UBR1: variants seen among roughly 807,000 people sequenced by gnomAD.
UBR1 encodes ubiquitin protein ligase E3 component n-recognin 1.
In UBR1, 102 loss-of-function variants were observed where a neutral mutation model predicts 242.1. The observed-to-expected ratio is 0.42, with a 90% CI of 0.36 to 0.50. The LOEUF (loss-of-function observed/expected upper bound fraction) is 0.50, where lower values mean the gene tolerates loss of function less well. UBR1 is among the 20% of genes least tolerant of loss of function. The pLI is 0.01. For missense variants in UBR1, 1,772 were observed against 2,101.8 expected, an observed-to-expected ratio of 0.84 and a Z score of 3.07; for synonymous variants, 675 against 684.8, an observed-to-expected ratio of 0.99 and a Z score of 0.22.
At chr15:42,960,600 C>T (rs115083700) in intron 43 of UBR1, 45 bp downstream of exon 43, 1 of 1,595,466 alleles carries the variant, frequency 6.3e-7, no homozygotes, top group African/African-American at 1.3e-5. Context: ...CTTTAGGAAA[C>T]ACAACTTGTG....
Position 43,007,084 on chromosome 15 carries a change from G to C in UBR1, c.3410C>G (p.Ser1137Ter). Residue 1137 changes from serine (S) to a stop codon, truncating the protein, a stop_gained, in exon 30 of 47, where the codon TCA becomes TGA. Transcript: ENST00000290650. LOFTEE classifies it high-confidence loss of function. ...TQHRGKPIELSGEALDPLFMD... is the reference protein window; with the variant it reads ...TQHRGKPIEL ...ATTTATTAAATAATACATACCTCCT[G>C]AGAGTTCTATGGGTTTTCCCCTGTG... 2 of 1,614,030 alleles carry C rather than the reference G, an allele frequency of 1.2e-6. No homozygotes were observed. The highest frequency in any genetic ancestry group is 1.7e-6 in the Non-Finnish European group (2 of 1,179,918).
At chr15:42,951,882 G>C (rs2141249583) in intron 45 of UBR1, among the ~76,000 whole-genome samples, 1 of 152,228 alleles carries the variant, frequency 6.6e-6, no homozygotes, top group South Asian at 2.1e-4. Flanking sequence ...AAAGTGCTGG[G>C]ATTATAGGCA....
At position 43,017,080 on chromosome 15, in the gene UBR1, A is replaced by G; in HGVS notation, c.3027+15T>C. The G allele has an allele frequency of 6.3e-7, 1 of 1,594,900 alleles. No homozygotes were observed. Among genetic ancestry groups the G allele is most frequent in the Non-Finnish European group, 8.6e-7 (1 of 1,162,850 alleles). On this transcript the variant is annotated intron_variant, in intron 28 of 46. Transcript: ENST00000290650. ...TGAATGTCACCATTACTACAGTGTT[A>G]TTACAGTGTCATACCTCATCATTCT...
chr15:42,955,042 C>T (rs916793288), intron 44 of UBR1, among the ~76,000 whole-genome samples: 1 of 152,104 alleles, frequency 6.6e-6, no homozygotes, highest in African/African-American at 2.4e-5. Flanking sequence ...TGGCGGGTGC[C>T]TGTAATCCCA....
At chr15:43,007,840 T>C (rs992309317) in intron 29 of UBR1, among the ~76,000 whole-genome samples, 1 of 152,206 alleles carries the variant, frequency 6.6e-6, no homozygotes, top group South Asian at 2.1e-4. Flanking sequence ...GCTCTTACTG[T>C]ATGTGCCATA....
chr15:43,025,137 A>AG (rs1427201805), intron 24 of UBR1, among the ~76,000 whole-genome samples, 154 bp from the exon 25 acceptor site: 3 of 152,180 alleles, frequency 2.0e-5, no homozygotes, highest in Non-Finnish European at 2.9e-5. Flanking sequence ...GAAAATATCA[A>AG]TGTTAAGTGT....
chr15:43,089,590 CACA>C (rs1244358307), intron 1 of UBR1, among the ~76,000 whole-genome samples: 11 of 152,098 alleles, frequency 7.2e-5, no homozygotes, highest in Middle Eastern at 6.8e-3. Flanking sequence ...AGAAAGACAC[CACA>C]ACATTATTGT....
At chr15:43,079,402 T>C (rs1164211407) in intron 3 of UBR1, among the ~76,000 whole-genome samples, 1 of 152,208 alleles carries the variant, frequency 6.6e-6, no homozygotes, top group Non-Finnish European at 1.5e-5. Flanking sequence ...CCTGAATCTG[T>C]ACACTAAAAG....
chr15:43,039,885 TGA>T (rs1387865834), intron 15 of UBR1, among the ~76,000 whole-genome samples: 1 of 152,212 alleles, frequency 6.6e-6, no homozygotes, highest in East Asian at 1.9e-4. Flanking sequence ...CTTTTTAGCA[TGA>T]AGGGCTGTTG....
chr15:43,003,442 G>A (rs1040495598), intron 31 of UBR1: 2 of 292,138 alleles, frequency 6.8e-6, no homozygotes, highest in African/African-American at 4.4e-5. Flanking sequence ...TTTTAGTAGA[G>A]ACAGGGTTTT....
At chr15:42,948,431 A>G (rs923121703) in intron 46 of UBR1, among the ~76,000 whole-genome samples, 5 of 152,176 alleles carry the variant, frequency 3.3e-5, no homozygotes, top group Admixed American at 1.3e-4. Flanking sequence ...ATTGACAAAT[A>G]GGATCTAATT....
intron 39 of UBR1, among the ~76,000 whole-genome samples, chr15:42,973,096 A>G (rs1227903268): frequency 6.6e-6 from 1 of 152,206 alleles, no homozygotes; most frequent in Non-Finnish European, 1.5e-5. Flanking sequence ...AATGGCATAT[A>G]GATGTTGAAC....
At chr15:43,082,148 T>C (rs985104749) in intron 3 of UBR1, among the ~76,000 whole-genome samples, 1 of 152,156 alleles carries the variant, frequency 6.6e-6, no homozygotes, top group Non-Finnish European at 1.5e-5. Context: ...TATAGCTCAT[T>C]TTTCTCATTT....
intron 33 of UBR1, among the ~76,000 whole-genome samples, chr15:42,993,770 G>A (rs199915940): frequency 1.3e-5 from 2 of 151,922 alleles, no homozygotes; most frequent in African/African-American, 2.4e-5. Flanking sequence ...CCTGGGAGGC[G>A]GTGGTTGCAG....
In UBR1 at chr15:43,015,568, G is replaced by T. The variant is rs552810542; in HGVS notation, c.3209+120C>A. The T allele has an allele frequency of 1.3e-5, 14 of 1,104,152 alleles. No individual in the cohort carries two copies. In the East Asian group the frequency reaches 3.2e-4, roughly 25 times the overall value. The allele number at this position is 1,104,152 out of a possible 1,614,324, so 68.4% of individuals were successfully genotyped here. A position where few individuals can be genotyped will look rare whatever the true frequency, so the allele number is the denominator to read the frequency against. On this transcript the variant is annotated intron_variant, in intron 29 of 46. Transcript: ENST00000290650. ...ACCTTTGTTCACTTGTTTATCTGCT[G>T]ACCTTCCCTCCACTATTGTCCTATG... is the stretch of plus-strand genomic sequence containing the variant.
chr15:43,078,059 G>C (rs543749628), intron 3 of UBR1, among the ~76,000 whole-genome samples: 1 of 152,184 alleles, frequency 6.6e-6, no homozygotes, highest in African/African-American at 2.4e-5. Context: ...AGCAAGAGAA[G>C]GGAGCTTAAA....
intron 38 of UBR1, among the ~76,000 whole-genome samples, chr15:42,977,383 C>A (rs1321965343): frequency 6.6e-6 from 1 of 152,106 alleles, no homozygotes; most frequent in Non-Finnish European, 1.5e-5. Flanking sequence ...GCTTTCTCTA[C>A]GGAACTTGGT....
rs1324877660 is a variant in UBR1, at chr15:42,943,864, T to C, written c.*1465A>G. Reference sequence around the variant, plus strand: ...ACCTTCTGAATTGTAATTATTCAAGTAGAAAATCATGATTGTGATTCTGAC... The same window carrying C: ...ACCTTCTGAATTGTAATTATTCAAGCAGAAAATCATGATTGTGATTCTGAC... On this transcript the variant is annotated 3_prime_UTR_variant, in exon 47 of 47. Transcript: ENST00000290650. The C allele has an allele frequency of 1.3e-5, 2 of 152,470 alleles. No homozygotes were observed. Among genetic ancestry groups the C allele is most frequent in the East Asian group, 1.9e-4 (1 of 5,202 alleles). 9.4% of individuals were successfully genotyped at this position (152,470 alleles called of 1,614,324 possible).
intron 1 of UBR1, among the ~76,000 whole-genome samples, chr15:43,087,718 C>A (rs770573950): frequency 6.6e-6 from 1 of 152,086 alleles, no homozygotes; most frequent in African/African-American, 2.4e-5. Flanking sequence ...GGAATTTATT[C>A]CTCTGATAAA....
Sources: allele counts gnomAD v4.1 joint callset (sites outside exome capture counted in the v4.1 genomes callset), GRCh38; gene constraint gnomAD v4.1.1; transcripts MANE v1.5; gene names NCBI Gene and HGNC (gene_info 2026-07-23, HGNC 2026-07-21).